MEI4: variants seen among roughly 807,000 people sequenced by gnomAD.
MEI4 encodes meiosis-specific protein MEI4.
MEI4 carries 27 observed loss-of-function variants against 31.4 expected under a neutral mutation model. The observed-to-expected ratio is 0.86, with a 90% CI of 0.63 to 1.19. MEI4 has a LOEUF of 1.19. MEI4 is among the 50% of genes most tolerant of loss of function. The pLI, the probability that MEI4 is intolerant of heterozygous loss-of-function variation, is 0.00. For missense variants in MEI4, 329 were observed against 398.9 expected, an observed-to-expected ratio of 0.82 and a Z score of 1.49; for synonymous variants, 122 against 145.4, an observed-to-expected ratio of 0.84 and a Z score of 1.16.
chr6:77,716,826 A>G, intron 2 of MEI4: 1 of 969,420 alleles, frequency 1.0e-6, no homozygotes, highest in Non-Finnish European at 1.2e-6. Flanking sequence ...AACAAGGAGA[A>G]TATTTTCAGA....
At chr6:77,840,879 A>G (rs1770340392) in intron 4 of MEI4, among the ~76,000 whole-genome samples, 1 of 152,200 alleles carries the variant, frequency 6.6e-6, no homozygotes, top group Admixed American at 6.6e-5. Flanking sequence ...TCAAGTTGCT[A>G]AAAGCAATAA....
chr6:77,916,184 GTCTA>G (rs1766540719), intron 4 of MEI4, among the ~76,000 whole-genome samples: 1 of 151,620 alleles, frequency 6.6e-6, no homozygotes, highest in South Asian at 2.1e-4. Context: ...TCTTTGTATT[GTCTA>G]TCTGTGTTCT....
intron 3 of MEI4, among the ~76,000 whole-genome samples, chr6:77,777,944 G>A (rs1327111933): frequency 6.6e-6 from 1 of 151,868 alleles, no homozygotes; most frequent in Admixed American, 6.6e-5. Flanking sequence ...AGTTTGGAAG[G>A]TTTGGTACAT....
intron 3 of MEI4, among the ~76,000 whole-genome samples, chr6:77,792,395 A>G (rs1458200387): frequency 6.6e-6 from 1 of 152,102 alleles, no homozygotes; most frequent in Non-Finnish European, 1.5e-5. Flanking sequence ...GTTTTCTATA[A>G]TGACAGTACT....
intron 2 of MEI4, among the ~76,000 whole-genome samples, chr6:77,698,097 T>A (rs569851103): frequency 2.0e-5 from 3 of 152,304 alleles, no homozygotes; most frequent in African/African-American, 7.2e-5. Flanking sequence ...ACCCCTGCCT[T>A]TTTTTGTTTT....
chr6:77,920,734 A>G (rs1358434585), intron 4 of MEI4, among the ~76,000 whole-genome samples: 1 of 151,930 alleles, frequency 6.6e-6, no homozygotes, highest in Non-Finnish European at 1.5e-5. Context: ...GCTGCAAAAT[A>G]GATGTGTTTG....
At position 77,910,308 on chromosome 6, in the gene MEI4, C is replaced by A. The variant is rs1766403195; in HGVS notation, c.901-12781C>A. Among the ~76,000 whole-genome samples the A allele has an allele frequency of 2.0e-5, 3 of 152,168 alleles. No individual in the cohort carries two copies. In the South Asian group the frequency reaches 6.2e-4, roughly 32 times the overall value. ...TGACATGATTGTATAACTAGAAAAC[C>A]CCATTGTCTCAGCCCAAAATCTTCT... On this transcript the variant is annotated intron_variant, in intron 4 of 4. Coordinates refer to ENST00000684080, the MANE Select transcript of MEI4 (RefSeq NM_001322247.2).
At chr6:77,861,121 T>A (rs1770854429) in intron 4 of MEI4, among the ~76,000 whole-genome samples, 1 of 152,170 alleles carries the variant, frequency 6.6e-6, no homozygotes, top group Non-Finnish European at 1.5e-5. Context: ...AATGGTCACT[T>A]CATTGTCTGC....
chr6:77,792,053 T>G (rs1768951888), intron 3 of MEI4, among the ~76,000 whole-genome samples: 1 of 152,216 alleles, frequency 6.6e-6, no homozygotes, highest in Non-Finnish European at 1.5e-5. Flanking sequence ...ATTTGTCTTT[T>G]TGTGCCTTGG....
At chr6:77,921,757 C>T (rs1766708366) in intron 4 of MEI4, among the ~76,000 whole-genome samples, 2 of 151,736 alleles carry the variant, frequency 1.3e-5, no homozygotes, top group South Asian at 2.1e-4. Context: ...AATAAGGAGG[C>T]CTAAGGAGAG....
At chr6:77,876,221 G>A (rs1042498503) in intron 4 of MEI4, among the ~76,000 whole-genome samples, 2 of 152,118 alleles carry the variant, frequency 1.3e-5, no homozygotes, top group African/African-American at 4.8e-5. Flanking sequence ...TCCCCCAAAT[G>A]TTCATGTGTT....
rs373957066 is a variant in MEI4 at position 77,908,870 on chromosome 6, AAG to A, written c.901-14211_901-14210del. On this transcript the variant is annotated intron_variant, in intron 4 of 4. Coordinates refer to ENST00000684080, the MANE Select transcript of MEI4 (RefSeq NM_001322247.2). Reference sequence around the variant, plus strand: ...TAAAACAAGTCCTTAGATACCTACAAAGAGAGAGACTTAGACTCCCACACAGT... The same window carrying A: ...TAAAACAAGTCCTTAGATACCTACAAAGAGAGACTTAGACTCCCACACAGT... Among the ~76,000 whole-genome samples, 918 of 152,188 alleles carry A rather than the reference AAG, an allele frequency of 6.0e-3. 7 individuals carry two copies. The highest frequency in any genetic ancestry group is 0.02 in the African/African-American group (832 of 41,542).
intron 2 of MEI4, among the ~76,000 whole-genome samples, chr6:77,743,023 G>C (rs963944555): frequency 6.6e-6 from 1 of 151,998 alleles, no homozygotes; most frequent in African/African-American, 2.4e-5. Flanking sequence ...GGTTACTGTA[G>C]CCTTATAGTA....
chr6:77,807,492 A>G (rs568937043), intron 3 of MEI4, among the ~76,000 whole-genome samples: 1 of 152,142 alleles, frequency 6.6e-6, no homozygotes, highest in Non-Finnish European at 1.5e-5. Flanking sequence ...ACATTTGCCA[A>G]TCATGTTTTT....
intron 3 of MEI4, among the ~76,000 whole-genome samples, chr6:77,783,272 C>T (rs1768640600): frequency 6.6e-6 from 1 of 152,036 alleles, no homozygotes; most frequent in African/African-American, 2.4e-5. Context: ...ATCTGCTTAC[C>T]CTGTGATAGG....
At chr6:77,843,534 T>TAA (rs35866687) in intron 4 of MEI4, among the ~76,000 whole-genome samples, 1 of 144,320 alleles carries the variant, frequency 6.9e-6, no homozygotes, top group Admixed American at 7.0e-5. Flanking sequence ...GCAGACAAAT[T>TAA]AAAAAAAAAA....
At chr6:77,682,151 G>A (rs1768970546) in intron 1 of MEI4, among the ~76,000 whole-genome samples, 1 of 152,072 alleles carries the variant, frequency 6.6e-6, no homozygotes, top group Non-Finnish European at 1.5e-5. Context: ...ACCCCACACC[G>A]GGATTTGATA....
intron 4 of MEI4, among the ~76,000 whole-genome samples, chr6:77,855,580 A>G (rs915721476): frequency 6.6e-6 from 1 of 152,196 alleles, no homozygotes; most frequent in Non-Finnish European, 1.5e-5. Flanking sequence ...TTTAGAAAGT[A>G]AAGATTAAAT....
At chr6:77,858,552 A>G (rs1352160542) in intron 4 of MEI4, among the ~76,000 whole-genome samples, 1 of 152,016 alleles carries the variant, frequency 6.6e-6, no homozygotes, top group Non-Finnish European at 1.5e-5. Flanking sequence ...TCAGATTTCC[A>G]TAAATATTTG....
Sources: gnomAD v4.1 joint callset for allele counts (sites outside exome capture counted in the v4.1 genomes callset) on GRCh38, gnomAD v4.1.1 for gene constraint, MANE v1.5 for transcripts, NCBI Gene and HGNC (gene_info 2026-07-23, HGNC 2026-07-21) for gene names.